The following ERICH6B variants were observed in gnomAD, a reference collection of about 807,000 sequenced individuals.
ERICH6B encodes the protein glutamate-rich protein 6B.
A neutral mutation model predicts 80.0 loss-of-function variants in ERICH6B; 69 were observed. The ratio of observed to expected loss-of-function variants is 0.86; its 90% CI spans 0.71 to 1.05. The LOEUF (loss-of-function observed/expected upper bound fraction) is 1.05, where lower values mean the gene tolerates loss of function less well. Ranked by LOEUF, ERICH6B falls within the 50% of genes least tolerant of loss-of-function variation. The pLI, the probability that ERICH6B is intolerant of heterozygous loss-of-function variation, is 0.00. For synonymous variants in ERICH6B, 283 were observed against 291.9 expected, an observed-to-expected ratio of 0.97 and a Z score of 0.31; for missense variants, 754 against 796.1, an observed-to-expected ratio of 0.95 and a Z score of 0.64.
chr13:45,544,078 T>A (rs1242145960), intron 14 of ERICH6B, among the ~76,000 whole-genome samples: 1 of 152,152 alleles, frequency 6.6e-6, no homozygotes, highest in Non-Finnish European at 1.5e-5. Flanking sequence ...TTTATTTACT[T>A]ATTTATTTTT....
At chr13:45,610,855 G>GTA (rs1215962596) in intron 1 of ERICH6B, among the ~76,000 whole-genome samples, 6 of 137,658 alleles carry the variant, frequency 4.4e-5, no homozygotes, top group African/African-American at 1.0e-4. Context: ...GTGTGTGTGT[G>GTA]TGTATATATA....
chr13:45,541,777 C>T lies in ERICH6B; in HGVS notation c.1873-97G>A. On this transcript the variant is annotated intron_variant, in intron 14 of 14. Transcript: ENST00000298738. ...TCTCCTGTGGCCAGGACCAAGCGTTCCCTGAGCCTTCACTCGAGAAAGCAC... is the reference window on the plus strand; with the variant it reads ...TCTCCTGTGGCCAGGACCAAGCGTTTCCTGAGCCTTCACTCGAGAAAGCAC... 2.8e-6 allele frequency: 3 copies of T among 1,078,136 alleles called. No homozygotes were observed. In the Admixed American group the frequency reaches 6.8e-5, roughly 25 times the overall value. The allele number at this position is 1,078,136 out of a possible 1,614,324, so 66.8% of individuals were successfully genotyped here. A position where few individuals can be genotyped will look rare whatever the true frequency, so the allele number is the denominator to read the frequency against.
rs141823185 is a variant in ERICH6B, at chr13:45,575,285, A to G, written c.962-355T>C. ...CGCAGGCAGAATGAACATTTGCCGC[A>G]CATTCCGGCAGAGGACTAGGTGCAA... is the stretch of plus-strand genomic sequence containing the variant. On this transcript the variant is annotated intron_variant, in intron 7 of 14. Coordinates refer to ENST00000298738, the MANE Select transcript of ERICH6B (RefSeq NM_182542.3). Among the ~76,000 whole-genome samples, 22 of 152,364 alleles carry G rather than the reference A, an allele frequency of 1.4e-4. No individual in the cohort carries two copies. The East Asian group carries it at 4.2e-3, about 29-fold the overall frequency.
intron 7 of ERICH6B, among the ~76,000 whole-genome samples, 165 bp downstream of exon 7, chr13:45,579,767 CT>C (rs1875577452): frequency 1.3e-5 from 2 of 152,150 alleles, no homozygotes; most frequent in African/African-American, 4.8e-5. Context: ...TTTTAGCCTC[CT>C]TCTTGAGGAG....
chr13:45,609,209 T>C (rs538342577), intron 1 of ERICH6B, among the ~76,000 whole-genome samples: 1 of 152,344 alleles, frequency 6.6e-6, no homozygotes, highest in East Asian at 1.9e-4. Flanking sequence ...TGGCTTCCAC[T>C]TCCCTTTGAA....
chr13:45,590,896 G>A (rs1876129404), intron 3 of ERICH6B, among the ~76,000 whole-genome samples, 199 bp from the exon 4 acceptor site: 1 of 152,136 alleles, frequency 6.6e-6, no homozygotes, highest in Non-Finnish European at 1.5e-5. Flanking sequence ...AACTCAAGAA[G>A]ATACTTTTCA....
intron 3 of ERICH6B, among the ~76,000 whole-genome samples, chr13:45,594,982 C>T (rs1242928836): frequency 6.6e-6 from 1 of 152,168 alleles, no homozygotes; most frequent in East Asian, 1.9e-4. Flanking sequence ...AAGGAGGCTG[C>T]TGCCAAATAA....
intron 14 of ERICH6B, 96 bp downstream of exon 14, chr13:45,544,664 C>A: frequency 9.4e-7 from 1 of 1,063,166 alleles, no homozygotes. Flanking sequence ...TAGAACAAGC[C>A]TGGAGGCCTG....
At chr13:45,553,993 C>T (rs979320330) in intron 11 of ERICH6B, among the ~76,000 whole-genome samples, 1 of 152,094 alleles carries the variant, frequency 6.6e-6, no homozygotes, top group Non-Finnish European at 1.5e-5. Context: ...ACTCTCTTAG[C>T]AATTTTCAGG....
At chr13:45,612,130 G>A (rs1949903407) in intron 1 of ERICH6B, among the ~76,000 whole-genome samples, 1 of 152,136 alleles carries the variant, frequency 6.6e-6, no homozygotes, top group Non-Finnish European at 1.5e-5. Flanking sequence ...CCAAATATTG[G>A]TGAGTCCTGA....
Position 45,574,756 on chromosome 13 carries a change from C to A in ERICH6B, c.1050+86G>T, listed in dbSNP as rs533714312. On this transcript the variant is annotated intron_variant, in intron 8 of 14. Coordinates refer to ENST00000298738, the MANE Select transcript of ERICH6B (RefSeq NM_182542.3). ...AACCCAGGTCCTCAGAACCCAAGAC[C>A]TCAGCCAGCTTGCCTGGGCTAGGCT... 1,493 of 1,056,818 alleles carry A rather than the reference C, an allele frequency of 1.4e-3. 1 individual carries two copies. The highest frequency in any genetic ancestry group is 2.0e-3 in the Non-Finnish European group (1,377 of 704,710). 65.5% of individuals were successfully genotyped at this position (1,056,818 alleles called of 1,614,324 possible). A position where few individuals can be genotyped will look rare whatever the true frequency, so the allele number is the denominator to read the frequency against.
chr13:45,568,200 C>G (rs767072726), intron 9 of ERICH6B, 115 bp downstream of exon 9: 2 of 1,181,196 alleles, frequency 1.7e-6, no homozygotes, highest in Non-Finnish European at 2.3e-6. Flanking sequence ...CTCAGGGAAC[C>G]TGTCTGGTCC....
chr13:45,545,747 C>T (rs890987980), intron 13 of ERICH6B, among the ~76,000 whole-genome samples: 1 of 152,176 alleles, frequency 6.6e-6, no homozygotes, highest in Non-Finnish European at 1.5e-5. Flanking sequence ...CAACACTGCC[C>T]TGTGTAGGGA....
At chr13:45,550,372 T>C in intron 11 of ERICH6B, 56 bp from the exon 12 acceptor site, 2 of 1,427,432 alleles carry the variant, frequency 1.4e-6, no homozygotes, top group Non-Finnish European at 9.6e-7. Context: ...GTACCAACTG[T>C]CCTACTGCAG....
At chr13:45,587,307 G>A (rs1341669495) in intron 4 of ERICH6B, 75 bp from the exon 5 acceptor site, 5 of 1,325,146 alleles carry the variant, frequency 3.8e-6, no homozygotes, top group Non-Finnish European at 5.2e-6. Context: ...GGCATGTTAG[G>A]GGTTGAGGGG....
intron 9 of ERICH6B, among the ~76,000 whole-genome samples, chr13:45,564,580 G>C (rs1030371819): frequency 6.6e-6 from 1 of 152,224 alleles, no homozygotes; most frequent in African/African-American, 2.4e-5. Context: ...TTGCTGGAAA[G>C]GGCTGCACTG....
rs1376994323 is a variant in ERICH6B at position 45,596,415 on chromosome 13, T to G, written c.591A>C (p.Glu197Asp). 1 of 1,551,744 alleles carries G rather than the reference T, an allele frequency of 6.4e-7. No homozygotes were observed. Among genetic ancestry groups the G allele is most frequent in the African/African-American group, 1.4e-5 (1 of 72,960 alleles). ...GATTTTCTTTTCCATCCAGATTCTC[T>G]TCCTTCTCCAGAGCTTCTTCCTCCT... ...NLEEEEALEK[E>D]ENLDGKENLY... Residue 197 changes from glutamate to aspartate, a missense_variant, in exon 3 of 15, where the codon GAA (glutamate) becomes GAC (aspartate). Transcript: ENST00000298738.
chr13:45,599,407 T>C (rs1277792137), intron 2 of ERICH6B, among the ~76,000 whole-genome samples: 1 of 152,228 alleles, frequency 6.6e-6, no homozygotes, highest in Non-Finnish European at 1.5e-5. Flanking sequence ...AATTTAGTTA[T>C]TAATTGAATT....
chr13:45,553,875 A>G (rs888230760), intron 11 of ERICH6B, among the ~76,000 whole-genome samples: 1 of 152,210 alleles, frequency 6.6e-6, no homozygotes, highest in Non-Finnish European at 1.5e-5. Flanking sequence ...TTTATGTTGT[A>G]CAACATGATG....
Sources: allele counts gnomAD v4.1 joint callset (sites outside exome capture counted in the v4.1 genomes callset), GRCh38; gene constraint gnomAD v4.1.1; transcripts MANE v1.5; gene names NCBI Gene and HGNC (gene_info 2026-07-23, HGNC 2026-07-21).